The following CACNA1B variants were observed in gnomAD, a reference collection of about 807,000 sequenced individuals.
CACNA1B encodes calcium voltage-gated channel subunit alpha1 B, also known as voltage-dependent N-type calcium channel subunit alpha-1B.
A neutral mutation model predicts 247.2 loss-of-function variants in CACNA1B; 70 were observed. The observed-to-expected ratio is 0.28, with a 90% CI of 0.23 to 0.35. The LOEUF (loss-of-function observed/expected upper bound fraction) is 0.35, where lower values mean the gene tolerates loss of function less well. Ranked by LOEUF, CACNA1B falls within the 10% of genes least tolerant of loss-of-function variation. The pLI is 1.00. For missense variants in CACNA1B, 2,367 were observed against 3,197.4 expected (o/e 0.74, Z 6.26); for synonymous variants, 1,231 against 1,294.4 (o/e 0.95, Z 1.05).
At chr9:138,110,207 T>C (rs1345246288) in intron 39 of CACNA1B, among the ~76,000 whole-genome samples, 2 of 152,038 alleles carry the variant, frequency 1.3e-5, no homozygotes, top group Non-Finnish European at 2.9e-5. Context: ...CTCTGCCTCC[T>C]GGGTTCAAAC....
rs1958182800 is a variant in CACNA1B at position 137,973,649 on chromosome 9, T to C, written c.1543+2057T>C. ...GATCTGTCTCTGTTTCCCCCTCAGC[T>C]TGTGAACTCCTGGGGAGAAGGGTGA... is the stretch of plus-strand genomic sequence containing the variant. On this transcript the variant is annotated intron_variant, in intron 11 of 46. Transcript: ENST00000371372. This position sits in a 1 kb window ranked among gnomAD's most constrained non-coding sequence, Gnocchi z 4.1. Among the ~76,000 whole-genome samples the C allele has an allele frequency of 6.6e-6, 1 of 152,110 alleles. No homozygotes were observed. The highest frequency in any genetic ancestry group is 1.5e-5 in the Non-Finnish European group (1 of 68,008).
intron 36 of CACNA1B, among the ~76,000 whole-genome samples, chr9:138,092,451 G>A (rs1290316145): frequency 6.6e-6 from 1 of 152,218 alleles, no homozygotes; most frequent in Non-Finnish European, 1.5e-5. Flanking sequence ...GTTCTGCCCA[G>A]CCCTGCAGGC....
At position 138,084,562 on chromosome 9, in the gene CACNA1B, C is replaced by G. The variant is rs1436538863; in HGVS notation, c.5094+6304C>G. 9.3e-4 allele frequency among the ~76,000 whole-genome samples: 141 copies of G among 151,436 alleles called. 1 individual carries two copies. The highest frequency in any genetic ancestry group is 4.4e-5 in the Non-Finnish European group (3 of 68,018). On this transcript the variant is annotated intron_variant, in intron 36 of 46. Coordinates refer to ENST00000371372, the MANE Select transcript of CACNA1B (RefSeq NM_000718.4). The stretch of plus-strand genomic sequence containing the variant: ...AACAGAGTAACTATGCCCTTCCCAG[C>G]TGGCACACTAAAACCCAACTGTACT...
At position 138,014,655 on chromosome 9, in the gene CACNA1B, G is replaced by A. The variant is rs1177542799; in HGVS notation, c.2267+1420G>A. ...CTCTGCAGGTGGGTGGTCTGCAGTA[G>A]ATGGGGCGAGTGGTGTGTTCAGCTC... On this transcript the variant is annotated intron_variant, in intron 18 of 46. Transcript: ENST00000371372. The surrounding 1 kb of genome is among the most constrained non-coding windows in gnomAD (Gnocchi z 6.2). Among the ~76,000 whole-genome samples the A allele has an allele frequency of 1.3e-5, 2 of 152,204 alleles. No individual in the cohort carries two copies. Among genetic ancestry groups the A allele is most frequent in the Non-Finnish European group, 2.9e-5 (2 of 68,036 alleles).
rs1413670299 is a variant in CACNA1B, at chr9:137,974,302, A to G, written c.1544-1605A>G. Among the ~76,000 whole-genome samples, 1 of 152,072 alleles carries G rather than the reference A, an allele frequency of 6.6e-6. No homozygotes were observed. The highest frequency in any genetic ancestry group is 2.4e-5 in the African/African-American group (1 of 41,392). On this transcript the variant is annotated intron_variant, in intron 11 of 46. Coordinates refer to ENST00000371372, the MANE Select transcript of CACNA1B (RefSeq NM_000718.4). The surrounding 1 kb of genome is among the most constrained non-coding windows in gnomAD (Gnocchi z 4.5). ...CCTGCCTGAGGGTCGCTGGGCATCC[A>G]TGCCTCTCACAGGGGGCTCTCGGCT...
chr9:137,988,190 G>A lies in CACNA1B; in HGVS notation c.1974+1336G>A, dbSNP rs548388769. ...GTGGGTGGTCTCCCAGCCACACGACGGGGAGGTCACAGGCCTGGAGCTGCC... is the reference window on the plus strand; with the variant it reads ...GTGGGTGGTCTCCCAGCCACACGACAGGGAGGTCACAGGCCTGGAGCTGCC... On this transcript the variant is annotated intron_variant, in intron 15 of 46. Coordinates refer to ENST00000371372, the MANE Select transcript of CACNA1B (RefSeq NM_000718.4). 2.7e-3 allele frequency among the ~76,000 whole-genome samples: 416 copies of A among 152,346 alleles called. 1 individual carries two copies. Among genetic ancestry groups the A allele is most frequent in the African/African-American group, 6.2e-3 (259 of 41,576 alleles).
chr9:138,011,564 C>T lies in CACNA1B; in HGVS notation c.2160+1487C>T, dbSNP rs746419367. Among the ~76,000 whole-genome samples, 7 of 152,252 alleles carry T rather than the reference C, an allele frequency of 4.6e-5. No homozygotes were observed. Among genetic ancestry groups the T allele is most frequent in the South Asian group, 4.1e-4 (2 of 4,822 alleles). On this transcript the variant is annotated intron_variant, in intron 17 of 46. Transcript: ENST00000371372. The surrounding 1 kb of genome is among the most constrained non-coding windows in gnomAD (Gnocchi z 4.2). ...TTACAGCACTATGTACCTTTTGAAG[C>T]GAGGATAAACTTGAATTTGTTTTAG...
At chr9:138,047,137 C>T in intron 22 of CACNA1B, 104 bp downstream of exon 22, 1 of 1,071,036 alleles carries the variant, frequency 9.3e-7, no homozygotes, top group South Asian at 1.6e-5. Flanking sequence ...CCTGTCGTCT[C>T]ACAGGGCACC....
chr9:138,084,964 A>C (rs1452090203), intron 36 of CACNA1B, among the ~76,000 whole-genome samples: 2 of 150,578 alleles, frequency 1.3e-5, no homozygotes, highest in African/African-American at 4.9e-5. Context: ...AGAAAAAAAA[A>C]AAAAAGCAAG....
At chr9:137,998,284 G>A (rs552409438) in intron 15 of CACNA1B, among the ~76,000 whole-genome samples, 8 of 152,144 alleles carry the variant, frequency 5.3e-5, no homozygotes, top group African/African-American at 1.7e-4. Flanking sequence ...AAAGGGATAC[G>A]AAAAGATGAA....
chr9:138,000,210 T>C (rs1193289324), intron 15 of CACNA1B, among the ~76,000 whole-genome samples: 7 of 151,748 alleles, frequency 4.6e-5, no homozygotes, highest in Non-Finnish European at 7.4e-5. Flanking sequence ...GCCATTCTCC[T>C]GCCTCAGCCT....
At chr9:138,045,934 G>C (rs1326055616) in intron 21 of CACNA1B, among the ~76,000 whole-genome samples, 1 of 152,134 alleles carries the variant, frequency 6.6e-6, no homozygotes, top group Non-Finnish European at 1.5e-5. Context: ...AGAGGGGCTG[G>C]GGGCGGTGGA....
In CACNA1B at chr9:137,882,845, C is replaced by T. The variant is rs756422106; in HGVS notation, c.492C>T (p.Asn164=). Residue 164 remains asparagine, a synonymous_variant, in exon 3 of 47, where the codon AAC becomes AAT. Transcript: ENST00000371372. The surrounding 1 kb of genome is among the most constrained non-coding windows in gnomAD (Gnocchi z 4.0). ...FVFHKGSYLR[N]GWNVMDFVVV... is the part of the protein sequence containing the mutation. ...TCCACAAGGGCTCTTACCTGCGGAA[C>T]GGCTGGAACGTCATGGACTTCGTGG... 2.8e-5 allele frequency: 45 copies of T among 1,613,804 alleles called. No individual in the cohort carries two copies. Among genetic ancestry groups the T allele is most frequent in the East Asian group, 1.1e-4 (5 of 44,892 alleles).
intron 15 of CACNA1B, among the ~76,000 whole-genome samples, chr9:138,000,842 A>G (rs1958568427): frequency 6.6e-6 from 1 of 152,138 alleles, no homozygotes; most frequent in Non-Finnish European, 1.5e-5. Flanking sequence ...AGCTTCCATA[A>G]TATTCTTCTG....
intron 36 of CACNA1B, among the ~76,000 whole-genome samples, chr9:138,087,384 C>CAAAAAA (rs58566171): frequency 8.2e-4 from 42 of 50,988 alleles, no homozygotes; most frequent in Non-Finnish European, 1.0e-3. Flanking sequence ...GACTCTGTCT[C>CAAAAAA]AAAAAAAAAA....
intron 6 of CACNA1B, among the ~76,000 whole-genome samples, chr9:137,934,945 C>G (rs1227057985): frequency 6.6e-6 from 1 of 152,162 alleles, no homozygotes; most frequent in African/African-American, 2.4e-5. Context: ...AGAAATCACA[C>G]TAGCTCACTA....
At chr9:138,043,962 G>A in intron 21 of CACNA1B, 62 bp downstream of exon 21, 1 of 1,583,810 alleles carries the variant, frequency 6.3e-7, no homozygotes, top group Admixed American at 1.7e-5. Context: ...ATGACCCGTG[G>A]GATCTCAGTA....
At chr9:138,035,259 G>A (rs1959028676) in intron 20 of CACNA1B, among the ~76,000 whole-genome samples, 1 of 152,342 alleles carries the variant, frequency 6.6e-6, no homozygotes, top group Non-Finnish European at 1.5e-5. Flanking sequence ...GGAAGTTTGA[G>A]ACCAGCCTGG....
At position 137,990,421 on chromosome 9, in the gene CACNA1B, G is replaced by C. The variant is rs1301152174; in HGVS notation, c.1974+3567G>C. Among the ~76,000 whole-genome samples, 1 of 152,172 alleles carries C rather than the reference G, an allele frequency of 6.6e-6. No homozygotes were observed. The highest frequency in any genetic ancestry group is 1.9e-4 in the East Asian group (1 of 5,172). On this transcript the variant is annotated intron_variant, in intron 15 of 46. Transcript: ENST00000371372. The surrounding 1 kb of genome is among the most constrained non-coding windows in gnomAD (Gnocchi z 4.5). ...AATCTCCTGGGGGCTCTGTGGTCCT[G>C]CCCACCCCCTGAGAAACCTGAATAC... is the stretch of plus-strand genomic sequence containing the variant.
Sources: allele counts gnomAD v4.1 joint callset (sites outside exome capture counted in the v4.1 genomes callset), GRCh38; gene constraint gnomAD v4.1.1; non-coding constraint Gnocchi (gnomAD v3.1); transcripts MANE v1.5; gene names NCBI Gene and HGNC (gene_info 2026-07-23, HGNC 2026-07-21).